WDR18: variants seen among roughly 807,000 people sequenced by gnomAD.
The protein encoded by WDR18 is WD repeat-containing protein 18.
A neutral mutation model predicts 49.6 loss-of-function variants in WDR18; 33 were observed. That is an observed-to-expected ratio of 0.67 (90% CI 0.50 to 0.89). The LOEUF (loss-of-function observed/expected upper bound fraction) is 0.89. Among genes scored for constraint, WDR18 ranks in the 40% least tolerant of loss-of-function variants. The pLI, the probability that WDR18 is intolerant of heterozygous loss-of-function variation, is 0.00. For missense variants in WDR18, 653 were observed against 593.6 expected (o/e 1.10, Z -1.04); for synonymous variants, 315 against 263.6 (o/e 1.19, Z -1.89).
chr19:991,393 A>T (rs781033760), intron 7 of WDR18, 42 bp downstream of exon 7: 1 of 1,487,986 alleles, frequency 6.7e-7, no homozygotes, highest in South Asian at 1.2e-5. Flanking sequence ...CGCGCAGGGG[A>T]AAAAGCCAGC....
At chr19:991,832 T>C in intron 7 of WDR18, 123 bp from the exon 8 acceptor site, 3 of 931,790 alleles carry the variant, frequency 3.2e-6, no homozygotes, top group Middle Eastern at 4.0e-4. Context: ...GCTGGGGGCG[T>C]GGACTGGCTG....
In WDR18 at chr19:991,946, GC is replaced by G; in HGVS notation, c.932-3del. 6 of 1,566,874 alleles carry G rather than the reference GC, an allele frequency of 3.8e-6. No individual in the cohort carries two copies. Among genetic ancestry groups the G allele is most frequent in the South Asian group, 1.2e-5 (1 of 86,932 alleles). ...GGATGGGGCGGGGCCTGACCTCCGCGCCCCCCAGGCCCAGTCACCAATGCCG... is the reference window on the plus strand; with the variant it reads ...GGATGGGGCGGGGCCTGACCTCCGCGCCCCCAGGCCCAGTCACCAATGCCG... On this transcript the variant is annotated splice_polypyrimidine_tract_variant and splice_region_variant and intron_variant, in intron 7 of 9. Transcript: ENST00000585809.
In WDR18 at chr19:991,242, C is replaced by T. The variant is rs766640426; in HGVS notation, c.822C>T (p.Cys274=). 2 of 1,574,448 alleles carry T rather than the reference C, an allele frequency of 1.3e-6. No individual in the cohort carries two copies. Among genetic ancestry groups the T allele is most frequent in the South Asian group, 1.2e-5 (1 of 86,778 alleles). ...VFKGHRNQVT[C]LSVSTDGSVL... ...GTCTGTCCAGGAACCAGGTGACTTG[C>T]CTGTCAGTGTCCACTGACGGCAGCG... The change falls in exon 7 of 10, where the codon TGC becomes TGT. Residue 274 remains cysteine, a synonymous_variant. Transcript: ENST00000585809.
chr19:993,838 G>A (rs1384918996), intron 8 of WDR18, among the ~76,000 whole-genome samples, 182 bp from the exon 9 acceptor site: 1 of 152,232 alleles, frequency 6.6e-6, no homozygotes, highest in Non-Finnish European at 1.5e-5. Flanking sequence ...CCAGGGTCAG[G>A]GTTGTCATCT....
intron 1 of WDR18, 92 bp downstream of exon 1, chr19:984,655 G>A (rs2038456207): frequency 1.5e-5 from 19 of 1,280,130 alleles, no homozygotes; most frequent in Admixed American, 3.7e-5. Context: ...ACCCTTAGTC[G>A]GAATTGGCGT....
chr19:990,576 C>T (rs1361664461), intron 4 of WDR18: 3 of 884,850 alleles, frequency 3.4e-6, no homozygotes, highest in Non-Finnish European at 4.9e-6. Flanking sequence ...GGCTCCCTGG[C>T]CAAGCCTGGG....
chr19:992,086 G>A lies in WDR18; in HGVS notation c.1063G>A (p.Gly355Arg), dbSNP rs760885483. The A allele has an allele frequency of 1.9e-6, 3 of 1,548,304 alleles. No homozygotes were observed. Among genetic ancestry groups the A allele is most frequent in the Non-Finnish European group, 2.6e-6 (3 of 1,152,458 alleles). Residue 355 changes from glycine (G) to arginine (R), a missense_variant, in exon 8 of 10, where the codon GGG becomes AGG. Physicochemically the swap from Gly to Arg is moderately radical, Grantham distance 125 (BLOSUM62 -2). Transcript: ENST00000585809. ...CGAGCACGGGGACGAGCCGCGCCAC[G>A]GGGGCCTCACTCTGCGCCTGGGCCT... ...GAEHGDEPRH[G>R]GLTLRLGLHQ...
chr19:987,666 C>T (rs2038488295), intron 2 of WDR18, among the ~76,000 whole-genome samples: 1 of 152,000 alleles, frequency 6.6e-6, no homozygotes, highest in Admixed American at 6.5e-5. Flanking sequence ...GACCTCCTAG[C>T]CCTGGTTGCT....
intron 7 of WDR18, among the ~76,000 whole-genome samples, chr19:991,672 TGGGGGCG>T: frequency 2.2e-5 from 1 of 46,254 alleles, no homozygotes; most frequent in East Asian, 7.4e-4. Flanking sequence ...GGGGCCTGGC[TGGGGGCG>T]TGGACTGACT....
chr19:994,191 C>T (rs757668377), intron 9 of WDR18, 22 bp from the exon 10 acceptor site: 169 of 1,585,860 alleles, frequency 1.1e-4, no homozygotes, highest in Non-Finnish European at 1.4e-4. Context: ...CTTCTGCCCT[C>T]TGACCCCGAC....
chr19:994,139 C>T (rs1283713699), intron 9 of WDR18, 51 bp downstream of exon 9: 6 of 1,547,492 alleles, frequency 3.9e-6, no homozygotes, highest in Admixed American at 1.9e-5. Flanking sequence ...TCAGTCCTGG[C>T]CAGTGGGGGT....
In WDR18 at chr19:990,915, G is replaced by C. The variant is rs920938156; in HGVS notation, c.661G>C (p.Val221Leu). 6.8e-6 allele frequency: 11 copies of C among 1,612,694 alleles called. No homozygotes were observed. The African/African-American group carries it at 1.3e-4, about 20-fold the overall frequency. The stretch of plus-strand genomic sequence containing the variant: ...CCTCTTTGACGTGTCCATCATGGCA[G>C]TGACCATGGACCTGGCTGAGCACCA... ...SVLFDVSIMA[V>L]TMDLAEHHMF... The change falls in exon 5 of 10, where the codon GTG becomes CTG. Residue 221 changes from valine to leucine, a missense_variant. By Grantham distance (32) the Val-to-Leu change is conservative. Coordinates refer to ENST00000585809, the MANE Select transcript of WDR18 (RefSeq NM_024100.4).
rs1185316034 is a variant in WDR18 at position 984,470 on chromosome 19, G to A, written c.117G>A (p.Ala39=). The A allele has an allele frequency of 6.3e-7, 1 of 1,582,464 alleles. No homozygotes were observed. Among genetic ancestry groups the A allele is most frequent in the East Asian group, 2.4e-5 (1 of 42,164 alleles). ...ANLLTYRGGQ[A]GPRGLALLNG... The stretch of plus-strand genomic sequence containing the variant: ...TGCTCACCTACCGCGGCGGCCAGGC[G>A]GGACCCCGCGGCCTGGCGCTGCTCA... Residue 39 remains alanine (A), a synonymous_variant, in exon 1 of 10, where the codon GCG becomes GCA. Transcript: ENST00000585809.
intron 2 of WDR18, 107 bp downstream of exon 2, chr19:986,082 G>A (rs2038471803): frequency 2.9e-6 from 3 of 1,040,914 alleles, no homozygotes; most frequent in Admixed American, 4.0e-5. Context: ...CCTGGGATGG[G>A]TGACTGCTCA....
rs1019991700 is a variant in WDR18 at position 984,577 on chromosome 19, G to A, written c.210+14G>A. 6.9e-7 allele frequency: 1 copy of A among 1,457,374 alleles called. No individual in the cohort carries two copies. Among genetic ancestry groups the A allele is most frequent in the Non-Finnish European group, 9.1e-7 (1 of 1,104,634 alleles). The allele number at this position is 1,457,374 out of a possible 1,614,324, so 90.3% of individuals were successfully genotyped here. On this transcript the variant is annotated intron_variant, in intron 1 of 9. Coordinates refer to ENST00000585809, the MANE Select transcript of WDR18 (RefSeq NM_024100.4). ...CTCCAGCGGAAGGTGCGGCGGTGCGGTCTCGCTGCTGGGGTCATGGGGCGC... is the reference window on the plus strand; with the variant it reads ...CTCCAGCGGAAGGTGCGGCGGTGCGATCTCGCTGCTGGGGTCATGGGGCGC...
rs542712832 is a variant in WDR18, at chr19:993,159, C to T, written c.1099-861C>T. Among the ~76,000 whole-genome samples, 88 of 152,332 alleles carry T rather than the reference C, an allele frequency of 5.8e-4. 1 individual carries two copies. Among genetic ancestry groups the T allele is most frequent in the African/African-American group, 2.0e-3 (82 of 41,588 alleles). On this transcript the variant is annotated intron_variant, in intron 8 of 9. Coordinates refer to ENST00000585809, the MANE Select transcript of WDR18 (RefSeq NM_024100.4). ...CTGGACTGACTGCTAACAGCGTGGG[C>T]GCAAGGAGGGGCGAGCTTTTTGTTC...
intron 2 of WDR18, among the ~76,000 whole-genome samples, chr19:986,211 A>G (rs1022916054): frequency 1.3e-5 from 2 of 152,180 alleles, no homozygotes; most frequent in Non-Finnish European, 2.9e-5. Flanking sequence ...GGTGCAGCCC[A>G]GTCCCCGGCA....
At chr19:986,741 T>C (rs2038479638) in intron 2 of WDR18, among the ~76,000 whole-genome samples, 1 of 152,236 alleles carries the variant, frequency 6.6e-6, no homozygotes, top group South Asian at 2.1e-4. Context: ...CTGGATGATG[T>C]GTGAGTGAGT....
chr19:984,698 T>G, intron 1 of WDR18, 135 bp downstream of exon 1: 7 of 826,986 alleles, frequency 8.5e-6, no homozygotes, highest in Non-Finnish European at 9.9e-6. Context: ...TCGGGCGCTC[T>G]GCGCATGCGC....
Sources: gnomAD v4.1 joint callset for allele counts (sites outside exome capture counted in the v4.1 genomes callset) on GRCh38, gnomAD v4.1.1 for gene constraint, MANE v1.5 for transcripts, NCBI Gene and HGNC (gene_info 2026-07-23, HGNC 2026-07-21) for gene names.